The following MYH1 variants were observed in gnomAD, a reference collection of about 807,000 sequenced individuals.
MYH1 encodes the protein myosin-1.
MYH1 carries 214 observed loss-of-function variants against 225.6 expected under a neutral mutation model. The observed-to-expected ratio is 0.95, with a 90% CI of 0.85 to 1.06. The LOEUF (loss-of-function observed/expected upper bound fraction) is 1.06, where lower values mean the gene tolerates loss of function less well. MYH1 is among the 50% of genes least tolerant of loss of function. The pLI is 0.00. For synonymous variants in MYH1, 774 were observed against 842.3 expected, an observed-to-expected ratio of 0.92 and a Z score of 1.40; for missense variants, 2,098 against 2,344.2, an observed-to-expected ratio of 0.89 and a Z score of 2.17.
chr17:10,516,750 TA>T (rs1016052722), intron 2 of MYH1, 68 bp from the exon 3 acceptor site: 65 of 1,352,810 alleles, frequency 4.8e-5, no homozygotes, highest in Non-Finnish European at 5.1e-5. Context: ...TTTAAAACTT[TA>T]AAAAAAAATT....
Position 10,496,552 on chromosome 17 carries a change from T to C in MYH1, c.4657-3A>G. The C allele has an allele frequency of 6.2e-7, 1 of 1,614,186 alleles. No individual in the cohort carries two copies. Among genetic ancestry groups the C allele is most frequent in the Non-Finnish European group, 8.5e-7 (1 of 1,180,040 alleles). ...CCCTCTTCATGTTCAAGAGATGCCT[T>C]AATGACAGCAAGAGGTGACATTAGT... On this transcript the variant is annotated splice_region_variant and splice_polypyrimidine_tract_variant and intron_variant, in intron 33 of 39. Coordinates refer to ENST00000226207, the MANE Select transcript of MYH1 (RefSeq NM_005963.4).
chr17:10,497,355 A>G lies in MYH1; in HGVS notation c.4463T>C (p.Ile1488Thr). ...TAAAGATTCCTCATAAGCATTCTTA[A>G]TCTTAAATAGTTCTGTGCTGAGTGA... is the stretch of plus-strand genomic sequence containing the variant. ...SRSLSTELFK[I>T]KNAYEESLDQ... The change falls in exon 32 of 40, where the codon ATT (isoleucine) becomes ACT (threonine). Residue 1488 changes from isoleucine (I) to threonine (T), a missense_variant. Physicochemically the swap from Ile to Thr is moderately conservative, Grantham distance 89. Transcript: ENST00000226207. 1.2e-6 allele frequency: 2 copies of G among 1,613,564 alleles called. No homozygotes were observed. Among genetic ancestry groups the G allele is most frequent in the African/African-American group, 1.3e-5 (1 of 75,032 alleles).
In MYH1 at chr17:10,512,938, A is replaced by T; in HGVS notation, c.833T>A (p.Phe278Tyr). Residue 278 changes from phenylalanine (F) to tyrosine (Y), a missense_variant, in exon 10 of 40, where the codon TTC (phenylalanine) becomes TAC (tyrosine). Coordinates refer to ENST00000226207, the MANE Select transcript of MYH1 (RefSeq NM_005963.4). ...TYLLEKSRVT[F>Y]QLKAERSYHI... Reference sequence around the variant, plus strand: ...ATAGCTTCTTTCAGCCTTTAGCTGGAAAGTAACTCTAGACTTCTCCAGAAG... The same window carrying T: ...ATAGCTTCTTTCAGCCTTTAGCTGGTAAGTAACTCTAGACTTCTCCAGAAG... The T allele has an allele frequency of 6.2e-7, 1 of 1,613,546 alleles. No individual in the cohort carries two copies. Among genetic ancestry groups the T allele is most frequent in the Non-Finnish European group, 8.5e-7 (1 of 1,179,604 alleles).
intron 2 of MYH1, 67 bp from the exon 3 acceptor site, chr17:10,516,749 T>TA: frequency 7.1e-7 from 1 of 1,400,564 alleles, no homozygotes; most frequent in African/African-American, 1.5e-5. Context: ...ATTTAAAACT[T>TA]TAAAAAAAAA....
At chr17:10,511,729 AGCT>A in intron 14 of MYH1, 107 bp downstream of exon 14, 1 of 1,541,932 alleles carries the variant, frequency 6.5e-7, no homozygotes, top group Non-Finnish European at 8.9e-7. Flanking sequence ...TTTAAAGTGC[AGCT>A]ATTTTTCATA....
chr17:10,517,965 A>G (rs2073246102), intron 2 of MYH1, among the ~76,000 whole-genome samples: 1 of 152,220 alleles, frequency 6.6e-6, no homozygotes, highest in African/African-American at 2.4e-5. Flanking sequence ...TAAAAGATAA[A>G]CTACAATGCT....
Position 10,494,551 on chromosome 17 carries a change from A to G in MYH1, c.5571+18T>C. 1 of 1,613,288 alleles carries G rather than the reference A, an allele frequency of 6.2e-7. No homozygotes were observed. Among genetic ancestry groups the G allele is most frequent in the East Asian group, 2.2e-5 (1 of 44,870 alleles). On this transcript the variant is annotated intron_variant, in intron 38 of 39. Coordinates refer to ENST00000226207, the MANE Select transcript of MYH1 (RefSeq NM_005963.4). ...CATGTGGACTAAAGTGAAAACCTAG[A>G]CAGGCCATTTTCCTTACTTGGTAAG...
At chr17:10,513,580 A>C in intron 9 of MYH1, 46 bp downstream of exon 9, 2 of 1,579,306 alleles carry the variant, frequency 1.3e-6, no homozygotes, top group Non-Finnish European at 1.7e-6. Flanking sequence ...CCTCCAAACC[A>C]ATATTTGTCA....
chr17:10,508,227 C>T (rs559012896), intron 16 of MYH1, 136 bp downstream of exon 16: 59 of 1,016,688 alleles, frequency 5.8e-5, no homozygotes, highest in African/African-American at 5.7e-4. Flanking sequence ...CTATGTTGAC[C>T]GGGCTGGTCT....
chr17:10,507,060 A>G (rs891241249), intron 17 of MYH1, among the ~76,000 whole-genome samples: 1 of 151,926 alleles, frequency 6.6e-6, no homozygotes, highest in Admixed American at 6.6e-5. Flanking sequence ...CAAAAGAAAA[A>G]TAGACTTTTC....
In MYH1 at chr17:10,496,069, G is replaced by A. The variant is rs751069407; in HGVS notation, c.5050C>T (p.Leu1684=). 10 of 1,614,048 alleles carry A rather than the reference G, an allele frequency of 6.2e-6. No individual in the cohort carries two copies. In the African/African-American group the frequency reaches 1.3e-4, roughly 22 times the overall value. ...AGCTCCTCGATCTCAGCCTGCAGCA[G>A]GTTGGCTCTGCGCTCCACCATAGCC... ...QLAMVERRAN[L]LQAEIEELRA... The change falls in exon 35 of 40, where the codon CTG becomes TTG. Residue 1684 remains leucine, a synonymous_variant. Transcript: ENST00000226207.
At chr17:10,510,908 T>C (rs2073164271) in intron 14 of MYH1, among the ~76,000 whole-genome samples, 1 of 151,920 alleles carries the variant, frequency 6.6e-6, no homozygotes, top group African/African-American at 2.4e-5. Context: ...AATAGGTGAA[T>C]TGTATGATAT....
chr17:10,510,142 C>T (rs920556104), intron 14 of MYH1, among the ~76,000 whole-genome samples: 1 of 151,958 alleles, frequency 6.6e-6, no homozygotes, highest in African/African-American at 2.4e-5. Context: ...GACCCCTGAA[C>T]TTAAAAGTTT....
At position 10,500,702 on chromosome 17, in the gene MYH1, A is replaced by G; in HGVS notation, c.3789T>C (p.Ile1263=). 6.2e-7 allele frequency: 1 copy of G among 1,614,064 alleles called. No individual in the cohort carries two copies. The highest frequency in any genetic ancestry group is 8.5e-7 in the Non-Finnish European group (1 of 1,180,022). Residue 1263 remains isoleucine, a synonymous_variant, in exon 28 of 40, where the codon ATT becomes ATC. Transcript: ENST00000226207. The stretch of plus-strand genomic sequence containing the variant: ...GCTGCTGCTCCTCTTCCTTGGTCTT[A>G]ATTTCACTCAGTTGATCTTCTAGAG... ...CRALEDQLSE[I]KTKEEEQQRL... is the part of the protein sequence containing the mutation.
In MYH1 at chr17:10,495,063, G is replaced by T; in HGVS notation, c.5334C>A (p.Asp1778Glu). ...TCATCCGCTCCAGATGGGCGCTGGT[G>T]TCCTGTTCCTTCTTCAGCTCCTCAG... ...MMAEELKKEQDTSAHLERMKK... is the reference protein window; with the variant it reads ...MMAEELKKEQETSAHLERMKK... The change falls in exon 37 of 40, where the codon GAC (aspartate) becomes GAA (glutamate). Residue 1778 changes from aspartate (D) to glutamate (E), a missense_variant. Transcript: ENST00000226207. The T allele has an allele frequency of 6.2e-7, 1 of 1,614,232 alleles. No homozygotes were observed. Among genetic ancestry groups the T allele is most frequent in the Non-Finnish European group, 8.5e-7 (1 of 1,180,050 alleles).
At position 10,516,592 on chromosome 17, in the gene MYH1, G is replaced by C. The variant is rs1351101332; in HGVS notation, c.51C>G (p.Leu17=). Reference sequence around the variant, plus strand: ...CAATTCGCTCCCTTTCAGACTTTCGGAGGAAAGGAGCAGCCTCCCCAAAAA... The same window carrying C: ...CAATTCGCTCCCTTTCAGACTTTCGCAGGAAAGGAGCAGCCTCCCCAAAAA... The part of the protein sequence containing the change: ...MAIFGEAAPF[L]RKSERERIEA... The change falls in exon 3 of 40, where the codon CTC becomes CTG. Residue 17 remains leucine, a synonymous_variant. Transcript: ENST00000226207. 27 of 1,614,080 alleles carry C rather than the reference G, an allele frequency of 1.7e-5. No homozygotes were observed. Among genetic ancestry groups the C allele is most frequent in the Non-Finnish European group, 2.3e-5 (27 of 1,180,052 alleles).
In MYH1 at chr17:10,494,974, G is replaced by A. The variant is rs747660770; in HGVS notation, c.5423C>T (p.Ala1808Val). ...QHRLDEAEQL[A>V]LKGGKKQIQK... ...GATCTGCTTCTTCCCACCCTTCAGG[G>A]CCAGCTGCTCAGCCTCATCCAGACG... Residue 1808 changes from alanine to valine, a missense_variant, in exon 37 of 40, where the codon GCC (alanine) becomes GTC (valine). Coordinates refer to ENST00000226207, the MANE Select transcript of MYH1 (RefSeq NM_005963.4). 2.4e-5 allele frequency: 38 copies of A among 1,614,020 alleles called. No individual in the cohort carries two copies. The highest frequency in any genetic ancestry group is 6.7e-5 in the Admixed American group (4 of 60,004).
In MYH1 at chr17:10,505,006, G is replaced by C. The variant is rs534110923; in HGVS notation, c.2495C>G (p.Pro832Arg). The change falls in exon 22 of 40, where the codon CCC becomes CGC. Residue 832 changes from proline (P) to arginine (R), a missense_variant. Physicochemically the swap from Pro to Arg is moderately radical, Grantham distance 103. Transcript: ENST00000226207. The stretch of plus-strand genomic sequence containing the variant: ...GATCTTGAAATACAGCTTCATCCAG[G>C]GCCAGTGCTTCACATTCATGAAGGC... ...VRAFMNVKHWPWMKLYFKIKP... is the reference protein window; with the variant it reads ...VRAFMNVKHWRWMKLYFKIKP... The C allele has an allele frequency of 1.1e-4, 182 of 1,614,006 alleles. 1 individual carries two copies. The East Asian group carries it at 3.7e-3, about 32-fold the overall frequency.
intron 31 of MYH1, 26 bp downstream of exon 31, chr17:10,497,708 G>A: frequency 6.2e-7 from 1 of 1,612,426 alleles, no homozygotes; most frequent in Non-Finnish European, 8.5e-7. Context: ...TGTGTTGAAA[G>A]TTGAAGCAAA....
Sources: gnomAD v4.1 joint callset for allele counts (sites outside exome capture counted in the v4.1 genomes callset) on GRCh38, gnomAD v4.1.1 for gene constraint, MANE v1.5 for transcripts, NCBI Gene and HGNC (gene_info 2026-07-23, HGNC 2026-07-21) for gene names.